Variants in CHST9 observed in about 807,000 individuals in gnomAD.
CHST9 encodes the protein GalNAc-4-sulfotransferase 2.
A neutral mutation model predicts 44.4 loss-of-function variants in CHST9; 41 were observed. That is an observed-to-expected ratio of 0.92 (90% CI 0.72 to 1.20). CHST9 has a LOEUF of 1.20. Among genes scored for constraint, CHST9 ranks in the 50% most tolerant of loss-of-function variants. The pLI, the probability that CHST9 is intolerant of heterozygous loss-of-function variation, is 0.00. For synonymous variants in CHST9, 171 were observed against 178.4 expected, an observed-to-expected ratio of 0.96 and a Z score of 0.33; for missense variants, 504 against 516.5, an observed-to-expected ratio of 0.98 and a Z score of 0.23.
chr18:27,185,126 G>C lies in CHST9; in HGVS notation c.-97+10C>G, dbSNP rs2058946301. On this transcript the variant is annotated intron_variant, in intron 1 of 5. Transcript: ENST00000618847. Reference sequence around the variant, plus strand: ...CCCCCCAGCCCCAACCCCAGCCCCAGCGCGGTTACCTCGCGGGCCGCTGCC... The same window carrying C: ...CCCCCCAGCCCCAACCCCAGCCCCACCGCGGTTACCTCGCGGGCCGCTGCC... The C allele has an allele frequency of 6.7e-6, 1 of 149,406 alleles. No individual in the cohort carries two copies. Among genetic ancestry groups the C allele is most frequent in the South Asian group, 2.3e-4 (1 of 4,432 alleles). 9.3% of individuals were successfully genotyped at this position (149,406 alleles called of 1,614,324 possible). A position where few individuals can be genotyped will look rare whatever the true frequency, so the allele number is the denominator to read the frequency against.
chr18:27,093,607 C>T (rs1406537413), intron 2 of CHST9, among the ~76,000 whole-genome samples: 2 of 152,210 alleles, frequency 1.3e-5, no homozygotes, highest in East Asian at 3.9e-4. Context: ...GGGAAAAGCA[C>T]AGTATTTGGG....
At chr18:27,182,630 A>G (rs999728302) in intron 1 of CHST9, among the ~76,000 whole-genome samples, 2 of 152,222 alleles carry the variant, frequency 1.3e-5, no homozygotes, top group Non-Finnish European at 2.9e-5. Flanking sequence ...TGAAGCTCTA[A>G]TTAGAGCAAA....
intron 4 of CHST9, among the ~76,000 whole-genome samples, chr18:26,985,698 G>A (rs2056746843): frequency 6.6e-6 from 1 of 152,172 alleles, no homozygotes; most frequent in African/African-American, 2.4e-5. Context: ...TTTCTGATGA[G>A]TACATGCATA....
intron 5 of CHST9, among the ~76,000 whole-genome samples, chr18:26,940,301 T>A (rs968355576): frequency 2.0e-5 from 3 of 152,188 alleles, no homozygotes; most frequent in African/African-American, 7.2e-5. Flanking sequence ...CTTGGTCTCG[T>A]CTGAGGGTTG....
intron 5 of CHST9, among the ~76,000 whole-genome samples, chr18:26,931,949 A>T (rs1420807549): frequency 6.6e-6 from 1 of 151,268 alleles, no homozygotes; most frequent in Non-Finnish European, 1.5e-5. Flanking sequence ...TCACTACCTA[A>T]CCCATGCTTT....
At chr18:27,080,959 A>C (rs943550505) in intron 2 of CHST9, among the ~76,000 whole-genome samples, 5 of 152,196 alleles carry the variant, frequency 3.3e-5, no homozygotes, top group Admixed American at 6.5e-5. Flanking sequence ...TTAGAAGAAA[A>C]ATCAGAGTTA....
intron 4 of CHST9, among the ~76,000 whole-genome samples, chr18:26,967,375 G>A (rs2056480511): frequency 1.3e-5 from 2 of 152,152 alleles, no homozygotes; most frequent in East Asian, 1.9e-4. Context: ...GGGCCATGGT[G>A]TAGATGCTCT....
At chr18:27,006,995 G>A (rs958273256) in intron 4 of CHST9, among the ~76,000 whole-genome samples, 6 of 152,108 alleles carry the variant, frequency 3.9e-5, no homozygotes, top group Non-Finnish European at 7.4e-5. Flanking sequence ...GTGTGTGTGC[G>A]TGTATATGCG....
rs1317097245 is a variant in CHST9, at chr18:26,913,951, A to G, written c.*2308T>C. 3 of 152,212 alleles carry G rather than the reference A, an allele frequency of 2.0e-5. No individual in the cohort carries two copies. The highest frequency in any genetic ancestry group is 7.2e-5 in the African/African-American group (3 of 41,454). The allele number at this position is 152,212 out of a possible 1,614,324, so 9.4% of individuals were successfully genotyped here. A position where few individuals can be genotyped will look rare whatever the true frequency, so the allele number is the denominator to read the frequency against. The stretch of plus-strand genomic sequence containing the variant: ...CATAAAAAGTTTGTTCTTACTTGGC[A>G]AAGACATGCATGGCTTTTGGAACTT... On this transcript the variant is annotated 3_prime_UTR_variant, in exon 6 of 6. Coordinates refer to ENST00000618847, the MANE Select transcript of CHST9 (RefSeq NM_031422.6).
In CHST9 at chr18:27,142,841, G is replaced by C; in HGVS notation, c.-32C>G. 1.3e-6 allele frequency: 2 copies of C among 1,565,302 alleles called. No homozygotes were observed. The highest frequency in any genetic ancestry group is 1.7e-6 in the Non-Finnish European group (2 of 1,158,398). On this transcript the variant is annotated 5_prime_UTR_variant, in exon 2 of 6. The change creates a new upstream start codon in the 5' untranslated region. Coordinates refer to ENST00000618847, the MANE Select transcript of CHST9 (RefSeq NM_031422.6). ...TTATTTCAGAATCTGAAGACCACAT[G>C]ATTTGTTTTCCCGTAAAACTTCAGT...
chr18:27,049,765 C>T (rs1238782021), intron 2 of CHST9, among the ~76,000 whole-genome samples: 1 of 152,058 alleles, frequency 6.6e-6, no homozygotes, highest in Non-Finnish European at 1.5e-5. Flanking sequence ...AAGCAAGTCT[C>T]AATAAATTCA....
rs2145046256 is a variant in CHST9, at chr18:26,917,100, T to C, written c.491A>G (p.Lys164Arg). 3 of 1,613,972 alleles carry C rather than the reference T, an allele frequency of 1.9e-6. No homozygotes were observed. The highest frequency in any genetic ancestry group is 2.5e-6 in the Non-Finnish European group (3 of 1,179,882). Residue 164 changes from lysine to arginine, a missense_variant, in exon 6 of 6, where the codon AAA becomes AGA. By Grantham distance (26) the Lys-to-Arg change is conservative (BLOSUM62 2). Transcript: ENST00000618847. ...CTCAGTTTTCTTCCATTTATTATCT[T>C]TGACTAAACTTTTGTTTAAAGGGTG... The part of the protein sequence containing the change: ...DIHPLNKSLV[K>R]DNKWKKTEET...
chr18:27,150,558 C>G (rs1221554768), intron 1 of CHST9, among the ~76,000 whole-genome samples: 1 of 152,188 alleles, frequency 6.6e-6, no homozygotes, highest in African/African-American at 2.4e-5. Flanking sequence ...ACAGTTTCAG[C>G]CCATTTCACC....
intron 5 of CHST9, chr18:26,936,617 A>C (rs2055997411): frequency 6.6e-6 from 1 of 152,148 alleles, no homozygotes; most frequent in Non-Finnish European, 1.5e-5. Context: ...CTATGTGTTG[A>C]GAGAAAAATC....
Position 26,916,410 on chromosome 18 carries a change from T to A in CHST9, c.1181A>T (p.Asn394Ile). 1 of 1,613,792 alleles carries A rather than the reference T, an allele frequency of 6.2e-7. No homozygotes were observed. Among genetic ancestry groups the A allele is most frequent in the Non-Finnish European group, 8.5e-7 (1 of 1,179,738 alleles). The change falls in exon 6 of 6, where the codon AAC (asparagine) becomes ATC (isoleucine). Residue 394 changes from asparagine (N) to isoleucine (I), a missense_variant. By Grantham distance (149) the Asn-to-Ile change is moderately radical. Coordinates refer to ENST00000618847, the MANE Select transcript of CHST9 (RefSeq NM_031422.6). ...IGAPKELKFP[N>I]FKDRHSSDER... is the part of the protein sequence containing the mutation. ...ATCGGAAGAGTGCCTATCCTTAAAG[T>A]TGGGAAATTTCAGCTCCTTTGGAGC...
At chr18:26,966,468 C>T (rs993632338) in intron 4 of CHST9, among the ~76,000 whole-genome samples, 10 of 152,142 alleles carry the variant, frequency 6.6e-5, no homozygotes, top group Admixed American at 1.3e-4. Flanking sequence ...CATCTCTTTG[C>T]CTTAAATGAT....
At chr18:27,000,012 C>T (rs2145224535) in intron 4 of CHST9, among the ~76,000 whole-genome samples, 1 of 152,292 alleles carries the variant, frequency 6.6e-6, no homozygotes, top group Admixed American at 6.5e-5. Flanking sequence ...AATAAAAATG[C>T]AACAGAAAAG....
chr18:26,968,894 T>A (rs1004193707), intron 4 of CHST9, among the ~76,000 whole-genome samples: 1 of 152,220 alleles, frequency 6.6e-6, no homozygotes, highest in African/African-American at 2.4e-5. Flanking sequence ...AACATCTATC[T>A]TTCTTCTACT....
At chr18:27,141,023 T>C (rs903961259) in intron 2 of CHST9, among the ~76,000 whole-genome samples, 5 of 152,078 alleles carry the variant, frequency 3.3e-5, no homozygotes, top group Admixed American at 2.0e-4. Context: ...TCCCAGAATT[T>C]TGGGAGGCCA....
Sources: allele counts gnomAD v4.1 joint callset (sites outside exome capture counted in the v4.1 genomes callset), GRCh38; gene constraint gnomAD v4.1.1; transcripts MANE v1.5; gene names NCBI Gene and HGNC (gene_info 2026-07-23, HGNC 2026-07-21).